SCOC: variants seen among roughly 807,000 people sequenced by gnomAD.
The protein encoded by SCOC is short coiled-coil protein.
SCOC carries 7 observed loss-of-function variants against 9.9 expected under a neutral mutation model. That is an observed-to-expected ratio of 0.71 (90% CI 0.40 to 1.33). The LOEUF (loss-of-function observed/expected upper bound fraction) is 1.33, where lower values mean the gene tolerates loss of function less well. Among genes scored for constraint, SCOC ranks in the 40% most tolerant of loss-of-function variants. The probability of loss-of-function intolerance (pLI) is 0.01; values close to 1 mark genes in which losing one functional copy is unlikely to be tolerated. For missense variants in SCOC, 66 were observed against 89.7 expected (o/e 0.74, Z 1.07); for synonymous variants, 19 against 28.2 (o/e 0.67, Z 1.03).
intron 1 of SCOC, among the ~76,000 whole-genome samples, chr4:140,325,194 T>C (rs1393001417): frequency 2.6e-5 from 4 of 151,998 alleles, no homozygotes; most frequent in Non-Finnish European, 5.9e-5. Flanking sequence ...ATGCAAAACA[T>C]AAAACTATAA....
rs1200746376 is a variant in SCOC, at chr4:140,381,599, T to C, written c.*495T>C. ...AAAGTAATTTTAATAGTTAATCATC[T>C]CTGAGAGTAACCTGTATTTTAATTG... On this transcript the variant is annotated 3_prime_UTR_variant, in exon 4 of 4. Transcript: ENST00000608372. The C allele has an allele frequency of 1.3e-5, 2 of 152,368 alleles. No homozygotes were observed. The highest frequency in any genetic ancestry group is 4.8e-5 in the African/African-American group (2 of 41,458). The allele number at this position is 152,368 out of a possible 1,614,324, so 9.4% of individuals were successfully genotyped here.
chr4:140,341,933 C>T (rs953014923), upstream of SCOC, among the ~76,000 whole-genome samples: 13 of 152,150 alleles, frequency 8.5e-5, no homozygotes, highest in Admixed American at 1.3e-4. Flanking sequence ...CAAGCTGGAC[C>T]TTCCATTCCA....
chr4:140,265,503 G>A (rs371806084), intron 1 of SCOC, among the ~76,000 whole-genome samples: 1 of 152,246 alleles, frequency 6.6e-6, no homozygotes, highest in Non-Finnish European at 1.5e-5. Context: ...AGACTTCAGC[G>A]CAGCCACGTG....
chr4:140,344,896 C>T (rs1307568064), intron 2 of SCOC, among the ~76,000 whole-genome samples: 1 of 152,166 alleles, frequency 6.6e-6, no homozygotes, highest in African/African-American at 2.4e-5. Context: ...GAATGTGACT[C>T]AGCCCAGAAT....
At chr4:140,274,082 G>A (rs1004236953) in intron 1 of SCOC, among the ~76,000 whole-genome samples, 10 of 152,272 alleles carry the variant, frequency 6.6e-5, no homozygotes, top group South Asian at 2.1e-4. Context: ...AAAGAAACTC[G>A]TTGTACATTT....
intron 1 of SCOC, among the ~76,000 whole-genome samples, chr4:140,302,247 A>T (rs1578788305): frequency 6.6e-6 from 1 of 152,148 alleles, no homozygotes; most frequent in Non-Finnish European, 1.5e-5. Flanking sequence ...AAACTGTGAG[A>T]TAAGCTCATT....
At chr4:140,371,043 G>T (rs1310686586), upstream of SCOC, among the ~76,000 whole-genome samples, 1 of 151,774 alleles carries the variant, frequency 6.6e-6, no homozygotes, top group South Asian at 2.1e-4. Flanking sequence ...CCGCCACCAC[G>T]CCCAGCTAAT....
At chr4:140,279,375 G>A (rs891182175) in intron 1 of SCOC, among the ~76,000 whole-genome samples, 7 of 152,088 alleles carry the variant, frequency 4.6e-5, no homozygotes, top group Non-Finnish European at 8.8e-5. Context: ...CAACTACAAG[G>A]GCCATGAAAG....
chr4:140,288,363 T>G (rs915778538), intron 1 of SCOC, among the ~76,000 whole-genome samples: 1 of 151,986 alleles, frequency 6.6e-6, no homozygotes, highest in East Asian at 1.9e-4. Flanking sequence ...TATACTGCAC[T>G]TACAGTGCAC....
chr4:140,381,118 T>G lies in SCOC; in HGVS notation c.*14T>G. 1.3e-6 allele frequency: 2 copies of G among 1,569,888 alleles called. No homozygotes were observed. Among genetic ancestry groups the G allele is most frequent in the Non-Finnish European group, 1.7e-6 (2 of 1,167,202 alleles). ...AAAAGAAAGTAAGGGATTGACACCC[T>G]TCTGTTTTATGGAATTGCTGCTGAT... On this transcript the variant is annotated 3_prime_UTR_variant, in exon 4 of 4. Coordinates refer to ENST00000608372, the MANE Select transcript of SCOC (RefSeq NM_001153484.2).
At chr4:140,339,191 C>A (rs1358899498), upstream of SCOC, among the ~76,000 whole-genome samples, 1 of 152,058 alleles carries the variant, frequency 6.6e-6, no homozygotes, top group Non-Finnish European at 1.5e-5. Flanking sequence ...GAAAAACAAG[C>A]AATGGGGAAA....
intron 1 of SCOC, 56 bp from the exon 2 acceptor site, chr4:140,379,065 C>T: frequency 9.6e-7 from 1 of 1,044,570 alleles, no homozygotes; most frequent in Non-Finnish European, 1.5e-6. Flanking sequence ...CTTTGAAAAA[C>T]AGGCTTATAG....
At chr4:140,355,239 A>ATATATATT (rs1727174081) in intron 2 of SCOC, among the ~76,000 whole-genome samples, 1 of 146,358 alleles carries the variant, frequency 6.8e-6, no homozygotes, top group South Asian at 2.1e-4. Flanking sequence ...ATATATATAT[A>ATATATATT]TATATATATA....
At chr4:140,303,679 T>A (rs1731878275) in intron 1 of SCOC, among the ~76,000 whole-genome samples, 1 of 152,182 alleles carries the variant, frequency 6.6e-6, no homozygotes, top group African/African-American at 2.4e-5. Context: ...TCAGTTCAGC[T>A]GGAGCTATGG....
chr4:140,366,012 CA>C (rs1250475484), intron 2 of SCOC, among the ~76,000 whole-genome samples: 1 of 152,144 alleles, frequency 6.6e-6, no homozygotes, highest in Non-Finnish European at 1.5e-5. Flanking sequence ...CAGATCCTGA[CA>C]AAAGCTGACA....
intron 1 of SCOC, among the ~76,000 whole-genome samples, chr4:140,299,195 G>A (rs1264342814): frequency 6.6e-6 from 1 of 152,120 alleles, no homozygotes; most frequent in Non-Finnish European, 1.5e-5. Flanking sequence ...TTTTAATGTA[G>A]GCATGCAATA....
At chr4:140,294,945 A>G (rs547780676) in intron 1 of SCOC, among the ~76,000 whole-genome samples, 2 of 152,330 alleles carry the variant, frequency 1.3e-5, no homozygotes, top group Non-Finnish European at 2.9e-5. Context: ...CACATTGTGC[A>G]TAAGTGTAGT....
chr4:140,328,349 G>T (rs1732711288), intron 1 of SCOC, among the ~76,000 whole-genome samples: 1 of 152,124 alleles, frequency 6.6e-6, no homozygotes, highest in African/African-American at 2.4e-5. Context: ...TTGGAAAATT[G>T]TTCAAAAAAG....
chr4:140,376,699 A>G (rs1283412503), intron 1 of SCOC: 2 of 152,148 alleles, frequency 1.3e-5, no homozygotes, highest in Non-Finnish European at 2.9e-5. Flanking sequence ...TTGCTAAACC[A>G]TGCATAGGTT....
Sources: allele counts gnomAD v4.1 joint callset (sites outside exome capture counted in the v4.1 genomes callset), GRCh38; gene constraint gnomAD v4.1.1; transcripts MANE v1.5; gene names NCBI Gene and HGNC (gene_info 2026-07-23, HGNC 2026-07-21).